The following ARHGEF33 variants were observed in gnomAD, a reference collection of about 807,000 sequenced individuals.
ARHGEF33 encodes the protein Rho guanine nucleotide exchange factor 33, also known as DH and coiled-coil domain-containing protein ENSP00000381780.
A neutral mutation model predicts 101.9 loss-of-function variants in ARHGEF33; 72 were observed. That is an observed-to-expected ratio of 0.71 (90% CI 0.58 to 0.86). The LOEUF (loss-of-function observed/expected upper bound fraction) is 0.86. Ranked by LOEUF, ARHGEF33 falls within the 40% of genes least tolerant of loss-of-function variation. The pLI, the probability that ARHGEF33 is intolerant of heterozygous loss-of-function variation, is 0.00. For synonymous variants in ARHGEF33, 499 were observed against 442.5 expected (o/e 1.13, Z -1.60); for missense variants, 1,169 against 1,111.3 (o/e 1.05, Z -0.74).
intron 13 of ARHGEF33, among the ~76,000 whole-genome samples, chr2:38,955,830 C>A (rs534738366): frequency 6.6e-6 from 1 of 152,098 alleles, no homozygotes; most frequent in South Asian, 2.1e-4. Context: ...GCGCCCACCA[C>A]CACACCCGGC....
At position 38,960,150 on chromosome 2, in the gene ARHGEF33, G is replaced by T; in HGVS notation, c.1845G>T (p.Glu615Asp). The change falls in exon 16 of 18, where the codon GAG (glutamate) becomes GAT (aspartate). Residue 615 changes from glutamate to aspartate, a missense_variant. Coordinates refer to ENST00000409978, the MANE Select transcript of ARHGEF33 (RefSeq NM_001145451.5). ...GCTTCGTGCCCGCGGCCTACGAAGA[G>T]TTCGAGTACGGCGGCGAGATCTTCG... is the stretch of plus-strand genomic sequence containing the variant. ...ARGFVPAAYE[E>D]FEYGGEIFAL... is the part of the protein sequence containing the mutation. The T allele has an allele frequency of 6.5e-7, 1 of 1,542,914 alleles. No individual in the cohort carries two copies.
At chr2:38,894,363 GA>G (rs1181756328) in intron 1 of ARHGEF33, among the ~76,000 whole-genome samples, 1 of 151,468 alleles carries the variant, frequency 6.6e-6, no homozygotes, top group Non-Finnish European at 1.5e-5. Context: ...TTGGGCTCTG[GA>G]TAGCTTCCTA....
chr2:38,891,135 T>A (rs1027422681), intron 1 of ARHGEF33, among the ~76,000 whole-genome samples: 1 of 152,146 alleles, frequency 6.6e-6, no homozygotes, highest in African/African-American at 2.4e-5. Context: ...GGTTTCGTCA[T>A]GTTGCTCAGG....
intron 11 of ARHGEF33, 110 bp downstream of exon 11, chr2:38,951,231 A>G: frequency 1.0e-6 from 1 of 990,728 alleles, no homozygotes; most frequent in South Asian, 1.7e-5. Context: ...AGCTAGAACC[A>G]CTGAGATCTA....
rs1396503642 is a variant in ARHGEF33, at chr2:38,960,267, C to A, written c.1962C>A (p.Ile654=). ...SPASSESSLD[I]CFLRPVSFAM... is the part of the protein sequence containing the mutation. The stretch of plus-strand genomic sequence containing the variant: ...CCTCCTCCGAGTCCAGCCTGGACAT[C>A]TGCTTCCTGCGGCCCGTCAGCTTCG... Residue 654 remains isoleucine (I), a synonymous_variant, in exon 16 of 18, where the codon ATC becomes ATA. Coordinates refer to ENST00000409978, the MANE Select transcript of ARHGEF33 (RefSeq NM_001145451.5). 1 of 1,547,840 alleles carries A rather than the reference C, an allele frequency of 6.5e-7. No individual in the cohort carries two copies. The highest frequency in any genetic ancestry group is 1.4e-5 in the African/African-American group (1 of 72,858).
In ARHGEF33 at chr2:38,960,307, C is replaced by A. The variant is rs1234592371; in HGVS notation, c.2002C>A (p.Arg668=). The part of the protein sequence containing the change: ...RPVSFAMEAE[R]PEHPLQPLPK... Reference sequence around the variant, plus strand: ...CGTCAGCTTCGCCATGGAGGCCGAGCGGCCGGAGCACCCGCTGCAGCCGCT... The same window carrying A: ...CGTCAGCTTCGCCATGGAGGCCGAGAGGCCGGAGCACCCGCTGCAGCCGCT... Residue 668 remains arginine, a synonymous_variant, in exon 16 of 18, where the codon CGG becomes AGG. Transcript: ENST00000409978. 6.5e-6 allele frequency: 10 copies of A among 1,544,436 alleles called. No homozygotes were observed.
At chr2:38,920,752 TG>T (rs1428539252) in intron 3 of ARHGEF33, among the ~76,000 whole-genome samples, 1 of 152,152 alleles carries the variant, frequency 6.6e-6, no homozygotes, top group Non-Finnish European at 1.5e-5. Flanking sequence ...GCGTGTGCCC[TG>T]TGTTTCTCGA....
intron 10 of ARHGEF33, among the ~76,000 whole-genome samples, chr2:38,944,675 T>C (rs1667396655): frequency 6.6e-6 from 1 of 152,174 alleles, no homozygotes; most frequent in Non-Finnish European, 1.5e-5. Flanking sequence ...GAACAAATGC[T>C]ACAGTGAGGG....
At chr2:38,971,878 A>G (rs376575853) in intron 17 of ARHGEF33, 13 of 718,494 alleles carry the variant, frequency 1.8e-5, no homozygotes, top group African/African-American at 1.4e-4. Flanking sequence ...AGAAATGGGA[A>G]CGCAACTGGT....
At chr2:38,896,639 G>A (rs993689788) in intron 2 of ARHGEF33, among the ~76,000 whole-genome samples, 3 of 152,116 alleles carry the variant, frequency 2.0e-5, no homozygotes, top group Non-Finnish European at 4.4e-5. Context: ...AACTTTCCCA[G>A]GTCACAAAAT....
chr2:38,916,957 C>T (rs113086076), intron 2 of ARHGEF33, among the ~76,000 whole-genome samples: 3,065 of 150,410 alleles, frequency 0.02, 103 homozygotes, highest in African/African-American at 0.07. Flanking sequence ...TGCGCCACCA[C>T]GCCCGATTAA....
At chr2:38,917,566 A>G (rs1358976866) in intron 2 of ARHGEF33, among the ~76,000 whole-genome samples, 1 of 152,022 alleles carries the variant, frequency 6.6e-6, no homozygotes, top group Admixed American at 6.6e-5. Flanking sequence ...ATAGTGGCTC[A>G]TGACTGTAAT....
intron 10 of ARHGEF33, 52 bp from the exon 11 acceptor site, chr2:38,950,937 C>T: frequency 6.6e-7 from 1 of 1,524,376 alleles, no homozygotes; most frequent in Middle Eastern, 1.7e-4. Context: ...TTTGTAGGGT[C>T]CTTTCTTCTC....
At chr2:38,948,752 C>T (rs1667515012) in intron 10 of ARHGEF33, among the ~76,000 whole-genome samples, 1 of 152,210 alleles carries the variant, frequency 6.6e-6, no homozygotes, top group Admixed American at 6.5e-5. Flanking sequence ...TCATTTACAA[C>T]CACTGGGTAG....
chr2:38,937,176 A>G (rs372192631), intron 8 of ARHGEF33, 159 bp from the exon 9 acceptor site: 16 of 572,284 alleles, frequency 2.8e-5, no homozygotes, highest in African/African-American at 5.7e-5. Context: ...TTATATTTTT[A>G]GTAGAGACAG....
chr2:38,890,841 A>G (rs1309238684), intron 1 of ARHGEF33, among the ~76,000 whole-genome samples: 6 of 152,194 alleles, frequency 3.9e-5, no homozygotes, highest in Non-Finnish European at 7.3e-5. Flanking sequence ...ATGCACATTT[A>G]TTCTAAACAT....
chr2:38,928,520 A>C (rs543553441), intron 4 of ARHGEF33, among the ~76,000 whole-genome samples: 1 of 152,340 alleles, frequency 6.6e-6, no homozygotes, highest in South Asian at 2.1e-4. Context: ...ATAACCAGAG[A>C]GAATATGACC....
chr2:38,929,691 G>A lies in ARHGEF33; in HGVS notation c.241-18G>A. 6.5e-7 allele frequency: 1 copy of A among 1,549,410 alleles called. No individual in the cohort carries two copies. Among genetic ancestry groups the A allele is most frequent in the Non-Finnish European group, 8.7e-7 (1 of 1,145,156 alleles). ...ACCCCATGTACCACGTTAAAACATA[G>A]CAATTCTTATTTTTTAGGAAGAGCT... On this transcript the variant is annotated intron_variant, in intron 5 of 17. Transcript: ENST00000409978.
chr2:38,906,914 C>A (rs972980124), intron 2 of ARHGEF33, among the ~76,000 whole-genome samples: 3 of 151,792 alleles, frequency 2.0e-5, no homozygotes, highest in Non-Finnish European at 4.4e-5. Context: ...GCCATGATTG[C>A]ACCACTGCCT....
Sources: gnomAD v4.1 joint callset for allele counts (sites outside exome capture counted in the v4.1 genomes callset) on GRCh38, gnomAD v4.1.1 for gene constraint, MANE v1.5 for transcripts, NCBI Gene and HGNC (gene_info 2026-07-23, HGNC 2026-07-21) for gene names.